Variants in RANBP2 observed in about 807,000 individuals in gnomAD.
RANBP2 encodes RAN binding protein 2.
Under a neutral mutation model 303.6 loss-of-function variants are expected in RANBP2, and 57 were observed. The ratio of observed to expected loss-of-function variants is 0.19; its 90% CI spans 0.15 to 0.23. The LOEUF is 0.23. RANBP2 is among the 10% of genes least tolerant of loss of function. The pLI, the probability that RANBP2 is intolerant of heterozygous loss-of-function variation, is 1.00. For missense variants in RANBP2, 3,138 were observed against 3,780.8 expected (o/e 0.83, Z 4.46); for synonymous variants, 1,167 against 1,301.5 (o/e 0.90, Z 2.23).
chr2:109,349,832 G>C, the RANBP2 span, among the ~76,000 whole-genome samples: 3 of 152,228 alleles, frequency 2.0e-5, no homozygotes, highest in Non-Finnish European at 4.4e-5. Flanking sequence ...TGCATTCCAC[G>C]GGCCTCTGCC....
At chr2:109,004,422 C>T in the RANBP2 span, among the ~76,000 whole-genome samples, 1 of 152,204 alleles carries the variant, frequency 6.6e-6, no homozygotes, top group Admixed American at 6.5e-5. Flanking sequence ...AGACTGTATG[C>T]CACCTCCTGA....
chr2:109,314,377 T>C, the RANBP2 span, among the ~76,000 whole-genome samples: 1 of 152,202 alleles, frequency 6.6e-6, no homozygotes, highest in East Asian at 1.9e-4. Context: ...GTGAATCCCA[T>C]AGATCTTATA....
chr2:109,615,071 G>C, the RANBP2 span: 2 of 1,549,338 alleles, frequency 1.3e-6, no homozygotes, highest in African/African-American at 2.7e-5. Context: ...CCCTTGTGGG[G>C]GCTACCGCAC....
the RANBP2 span, among the ~76,000 whole-genome samples, chr2:109,638,945 G>T: frequency 6.6e-6 from 1 of 152,168 alleles, no homozygotes; most frequent in Admixed American, 6.5e-5. Flanking sequence ...TCCAGTAGAG[G>T]TCTGGCCTTG....
At chr2:109,058,163 C>A in the RANBP2 span, among the ~76,000 whole-genome samples, 1 of 152,190 alleles carries the variant, frequency 6.6e-6, no homozygotes, top group African/African-American at 2.4e-5. Context: ...TGGGGACGGT[C>A]ACAGAAAACC....
At chr2:109,091,967 G>A in the RANBP2 span, among the ~76,000 whole-genome samples, 80,506 of 151,662 alleles carry the variant, frequency 0.53, 22,446 homozygotes, top group South Asian at 0.66. Context: ...CTAACTAGTA[G>A]GAAGAGTCTT....
the RANBP2 span, among the ~76,000 whole-genome samples, chr2:109,119,589 C>A: frequency 6.6e-6 from 1 of 152,120 alleles, no homozygotes; most frequent in Non-Finnish European, 1.5e-5. Context: ...TTCTTTACTG[C>A]ATTAAATGTA....
chr2:108,781,558 T>C, intron 26 of RANBP2, 129 bp downstream of exon 26: 1 of 808,626 alleles, frequency 1.2e-6, no homozygotes, highest in Non-Finnish European at 2.0e-6. Context: ...GAAGCTCTAT[T>C]TATTAGATGT....
the RANBP2 span, among the ~76,000 whole-genome samples, chr2:109,267,689 A>G: frequency 6.6e-6 from 1 of 152,124 alleles, no homozygotes; most frequent in Non-Finnish European, 1.5e-5. Context: ...CCCACCCGTG[A>G]TCCCCTTTCC....
chr2:109,340,317 A>G, the RANBP2 span, among the ~76,000 whole-genome samples: 18 of 152,294 alleles, frequency 1.2e-4, no homozygotes, highest in East Asian at 3.3e-3. Flanking sequence ...TCTCGCAGGT[A>G]GAGGTAGGAG....
At chr2:108,921,698 G>A in the RANBP2 span, among the ~76,000 whole-genome samples, 5 of 152,188 alleles carry the variant, frequency 3.3e-5, no homozygotes, top group African/African-American at 1.2e-4. Flanking sequence ...ATTGAGACCA[G>A]GGCAGGCCCA....
At chr2:109,324,044 T>C in the RANBP2 span, among the ~76,000 whole-genome samples, 1 of 152,378 alleles carries the variant, frequency 6.6e-6, no homozygotes, top group African/African-American at 2.4e-5. Flanking sequence ...GACATTTCTA[T>C]GAATGGAAGC....
the RANBP2 span, among the ~76,000 whole-genome samples, chr2:109,389,728 C>G: frequency 6.6e-6 from 1 of 151,966 alleles, no homozygotes; most frequent in Non-Finnish European, 1.5e-5. Flanking sequence ...ATTATTTGGT[C>G]CACTAGATAA....
the RANBP2 span, among the ~76,000 whole-genome samples, chr2:108,808,537 T>C: frequency 6.6e-6 from 1 of 152,210 alleles, no homozygotes. Context: ...CTTTTTGTCT[T>C]TTTCATAGCC....
chr2:109,433,096 AG>A, the RANBP2 span, among the ~76,000 whole-genome samples: 3 of 152,246 alleles, frequency 2.0e-5, no homozygotes, highest in African/African-American at 7.2e-5. Context: ...GAGTATGTGC[AG>A]TGTGCGTGCC....
chr2:109,498,122 G>A, the RANBP2 span, among the ~76,000 whole-genome samples: 1 of 152,192 alleles, frequency 6.6e-6, no homozygotes, highest in Non-Finnish European at 1.5e-5. Context: ...CGCTGAGCTG[G>A]GAGGAAGGAG....
chr2:109,431,858 G>A, the RANBP2 span, among the ~76,000 whole-genome samples: 2 of 151,700 alleles, frequency 1.3e-5, no homozygotes, highest in African/African-American at 4.9e-5. Context: ...GTGACAGGGT[G>A]AGATGCTGTT....
the RANBP2 span, among the ~76,000 whole-genome samples, chr2:109,208,458 A>G: frequency 1.3e-5 from 2 of 152,352 alleles, no homozygotes; most frequent in Admixed American, 1.3e-4. Flanking sequence ...AGGAAGCCCA[A>G]GAAGCCCTGT....
chr2:109,052,934 G>A, the RANBP2 span, among the ~76,000 whole-genome samples: 6 of 152,234 alleles, frequency 3.9e-5, no homozygotes, highest in South Asian at 2.1e-4. Flanking sequence ...CTCTATGTTT[G>A]TCCTTAAGCC....
Sources: allele counts gnomAD v4.1 joint callset (sites outside exome capture counted in the v4.1 genomes callset), GRCh38; gene constraint gnomAD v4.1.1; transcripts MANE v1.5; gene names NCBI Gene and HGNC (gene_info 2026-07-23, HGNC 2026-07-21).